LBX2: variants seen among roughly 807,000 people sequenced by gnomAD.
LBX2 encodes transcription factor LBX2.
In LBX2, 6 loss-of-function variants were observed where a neutral mutation model predicts 7.5. The observed-to-expected ratio is 0.80, with a 90% CI of 0.44 to 1.59. The LOEUF (loss-of-function observed/expected upper bound fraction) is 1.59. LBX2 is among the 40% of genes most tolerant of loss of function. The pLI is 0.01. For missense variants in LBX2, 281 were observed against 282.0 expected, an observed-to-expected ratio of 1.00 and a Z score of 0.03; for synonymous variants, 143 against 133.2, an observed-to-expected ratio of 1.07 and a Z score of -0.51.
At chr2:74,502,432 C>A (rs1674503567), upstream of LBX2, 2 of 557,358 alleles carry the variant, frequency 3.6e-6, no homozygotes, top group Admixed American at 3.4e-5. The surrounding 1 kb of genome is among the most constrained non-coding windows in gnomAD (Gnocchi z 5.4). Flanking sequence ...CTCGGAATAA[C>A]CCCCTTGGGG....
upstream of LBX2, chr2:74,502,979 G>A (rs1674529335): frequency 2.3e-6 from 2 of 860,636 alleles, no homozygotes; most frequent in Non-Finnish European, 3.5e-6. This position sits in a 1 kb window ranked among gnomAD's most constrained non-coding sequence, Gnocchi z 5.4. Context: ...GCGGGGGTGA[G>A]GAAGGTGGGC....
Position 74,497,789 on chromosome 2 carries a change from G to A in LBX2, c.*138C>T, listed in dbSNP as rs1186259632. ...CAAAACAAACTTACAAAAAAACCGG[G>A]AAAGGTGAGCGTCTGGACTGTGGGC... On this transcript the variant is annotated 3_prime_UTR_variant, in exon 2 of 2. Coordinates refer to ENST00000377566, the MANE Select transcript of LBX2 (RefSeq NM_001282430.2). The A allele has an allele frequency of 3.2e-6, 3 of 943,378 alleles. No individual in the cohort carries two copies. Among genetic ancestry groups the A allele is most frequent in the African/African-American group, 1.7e-5 (1 of 59,514 alleles). 58.4% of individuals were successfully genotyped at this position (943,378 alleles called of 1,614,324 possible). A position where few individuals can be genotyped will look rare whatever the true frequency, so the allele number is the denominator to read the frequency against.
upstream of LBX2, chr2:74,499,785 C>T (rs142312886): frequency 4.2e-3 from 2,393 of 575,514 alleles, 52 homozygotes; most frequent in African/African-American, 0.041. The surrounding 1 kb of genome is among the most constrained non-coding windows in gnomAD (Gnocchi z 4.6). Flanking sequence ...AGAAGCCGAC[C>T]AAACTACCCA....
chr2:74,498,702 C>G (rs79539875), intron 1 of LBX2: 5,662 of 246,502 alleles, frequency 0.023, 323 homozygotes, highest in African/African-American at 0.12. Context: ...GTCAGGGCAG[C>G]CGACCCAGCG....
chr2:74,499,315 A>G lies in LBX2; in HGVS notation c.205+18T>C. The G allele has an allele frequency of 6.5e-7, 1 of 1,547,218 alleles. No individual in the cohort carries two copies. Among genetic ancestry groups the G allele is most frequent in the Non-Finnish European group, 8.7e-7 (1 of 1,144,008 alleles). Reference sequence around the variant, plus strand: ...GGAAAAGGCTAAGTCAGAGTCCGCGACCTTGCCGGCTCTATACCTTCAGAG... The same window carrying G: ...GGAAAAGGCTAAGTCAGAGTCCGCGGCCTTGCCGGCTCTATACCTTCAGAG... On this transcript the variant is annotated intron_variant, in intron 1 of 1. Transcript: ENST00000377566. This position sits in a 1 kb window ranked among gnomAD's most constrained non-coding sequence, Gnocchi z 4.6.
In LBX2 at chr2:74,497,796, G is replaced by T; in HGVS notation, c.*131C>A. On this transcript the variant is annotated 3_prime_UTR_variant, in exon 2 of 2. Coordinates refer to ENST00000377566, the MANE Select transcript of LBX2 (RefSeq NM_001282430.2). ...AACTTACAAAAAAACCGGGAAAGGTGAGCGTCTGGACTGTGGGCCGGAAGA... is the reference window on the plus strand; with the variant it reads ...AACTTACAAAAAAACCGGGAAAGGTTAGCGTCTGGACTGTGGGCCGGAAGA... The T allele has an allele frequency of 2.1e-6, 2 of 971,172 alleles. No individual in the cohort carries two copies. Among genetic ancestry groups the T allele is most frequent in the South Asian group, 4.1e-5 (2 of 48,878 alleles). The allele number at this position is 971,172 out of a possible 1,614,324, so 60.2% of individuals were successfully genotyped here.
chr2:74,498,176 G>T lies in LBX2; in HGVS notation c.348C>A (p.Asp116Glu). Residue 116 changes from aspartate (D) to glutamate (E), a missense_variant, in exon 2 of 2, where the codon GAC (aspartate) becomes GAA (glutamate). By Grantham distance (45) the Asp-to-Glu change is conservative (BLOSUM62 2). This residue lies in a region of LBX2 where 216 missense variants were observed against 208.7 expected (regional missense o/e 1.03). Transcript: ENST00000377566. ...CCAGGCCGAGTCGCGTAGCTAGCCC[G>T]TCTCGCTCGGACGGCGCCAGGTACT... is the stretch of plus-strand genomic sequence containing the variant. ...FQKYLAPSER[D>E]GLATRLGLAN... 1 of 1,612,510 alleles carries T rather than the reference G, an allele frequency of 6.2e-7. No individual in the cohort carries two copies. The highest frequency in any genetic ancestry group is 8.5e-7 in the Non-Finnish European group (1 of 1,179,516).
upstream of LBX2, chr2:74,499,779 G>A (rs1246050154): frequency 1.7e-6 from 1 of 581,802 alleles, no homozygotes; most frequent in African/African-American, 1.9e-5. The surrounding 1 kb of genome is among the most constrained non-coding windows in gnomAD (Gnocchi z 4.6). Flanking sequence ...GAGAGCAGAA[G>A]CCGACCAAAC....
chr2:74,498,066 G>T lies in LBX2; in HGVS notation c.458C>A (p.Ser153Ter). ...DVEEMRADVA[S>*]LRALSPEVLC... ...GACTTCCGGGGACAACGCGCGTAGC[G>T]AGGCGACGTCGGCGCGCATCTCCTC... The change falls in exon 2 of 2, where the codon TCG (serine) becomes TAG (stop). Residue 153 changes from serine (S) to a stop codon, truncating the protein, a stop_gained. Coordinates refer to ENST00000377566, the MANE Select transcript of LBX2 (RefSeq NM_001282430.2). LOFTEE classifies it low-confidence loss of function (END_TRUNC). 1.2e-6 allele frequency: 2 copies of T among 1,613,562 alleles called. No individual in the cohort carries two copies. The highest frequency in any genetic ancestry group is 2.2e-5 in the East Asian group (1 of 44,870).
In LBX2 at chr2:74,497,854, ACT is replaced by A. The variant is rs969806384; in HGVS notation, c.*71_*72del. On this transcript the variant is annotated 3_prime_UTR_variant, in exon 2 of 2. Transcript: ENST00000377566. ...GTGGACCTCCTTCCTCCACCCTGGA[ACT>A]CTGGCCAGAGGCAGAGCGCGAGGTG... 14 of 1,439,358 alleles carry A rather than the reference ACT, an allele frequency of 9.7e-6. No homozygotes were observed. Among genetic ancestry groups the A allele is most frequent in the Non-Finnish European group, 1.3e-5 (14 of 1,087,546 alleles). 89.2% of individuals were successfully genotyped at this position (1,439,358 alleles called of 1,614,324 possible). A position where few individuals can be genotyped will look rare whatever the true frequency, so the allele number is the denominator to read the frequency against.
intron 1 of LBX2, chr2:74,498,720 G>A (rs1023159717): frequency 8.6e-5 from 20 of 232,294 alleles, no homozygotes; most frequent in Admixed American, 2.0e-4. Context: ...GCGTGGTGGT[G>A]GTAACAGGAC....
chr2:74,499,811 G>T, upstream of LBX2: 1 of 543,996 alleles, frequency 1.8e-6, no homozygotes, highest in Admixed American at 3.2e-5. This position sits in a 1 kb window ranked among gnomAD's most constrained non-coding sequence, Gnocchi z 4.6. Context: ...GCAGGGCCAC[G>T]GGGCTGCTCC....
In LBX2 at chr2:74,499,460, G is replaced by C; in HGVS notation, c.78C>G (p.Pro26=). 3 of 1,550,588 alleles carry C rather than the reference G, an allele frequency of 1.9e-6. No individual in the cohort carries two copies. Among genetic ancestry groups the C allele is most frequent in the Non-Finnish European group, 1.7e-6 (2 of 1,146,982 alleles). Residue 26 remains proline (P), a synonymous_variant, in exon 1 of 2, where the codon CCC becomes CCG. Transcript: ENST00000377566. The surrounding 1 kb of genome is among the most constrained non-coding windows in gnomAD (Gnocchi z 4.6). ...GAAGCTGCGGCGCAGAGGGTGCTCG[G>C]GGGACCATGCGCGGGGCTAGGATGT... ...IADILAPRMV[P]RAPSAPQLPE...
At position 74,499,383 on chromosome 2, in the gene LBX2, G is replaced by T; in HGVS notation, c.155C>A (p.Thr52Asn). The T allele has an allele frequency of 6.4e-7, 1 of 1,550,640 alleles. No homozygotes were observed. Among genetic ancestry groups the T allele is most frequent in the Non-Finnish European group, 8.7e-7 (1 of 1,147,010 alleles). The change falls in exon 1 of 2, where the codon ACT becomes AAT. Residue 52 changes from threonine to asparagine, a missense_variant. Around this residue, in one of 3 missense-constraint regions of LBX2, gnomAD observed 216 missense variants for 208.7 expected, o/e 1.03. Coordinates refer to ENST00000377566, the MANE Select transcript of LBX2 (RefSeq NM_001282430.2). This position sits in a 1 kb window ranked among gnomAD's most constrained non-coding sequence, Gnocchi z 4.6. ...TSPLCALEELTSKTFRGLDAR... is the reference protein window; with the variant it reads ...TSPLCALEELNSKTFRGLDAR... ...GTCAAGTCCGCGGAAAGTTTTACTA[G>T]TCAGCTCCTCCAGCGCGCACAGCGG...
At chr2:74,500,483 G>C (rs991721976), upstream of LBX2, among the ~76,000 whole-genome samples, 5 of 152,146 alleles carry the variant, frequency 3.3e-5, no homozygotes, top group African/African-American at 1.2e-4. Context: ...GACCAGAGAG[G>C]GGTCACTCCC....
chr2:74,498,417 A>G (rs1572972579), intron 1 of LBX2, 99 bp from the exon 2 acceptor site: 1 of 908,160 alleles, frequency 1.1e-6, no homozygotes, highest in South Asian at 1.8e-5. Context: ...GCGGTGGGGG[A>G]AGTAGAGGGA....
At chr2:74,500,099 G>T (rs942947591), upstream of LBX2, among the ~76,000 whole-genome samples, 3 of 152,168 alleles carry the variant, frequency 2.0e-5, no homozygotes, top group Non-Finnish European at 4.4e-5. Flanking sequence ...GGTCCTGACG[G>T]CTGGAAGTGA....
At chr2:74,502,496 A>T, upstream of LBX2, 1 of 654,276 alleles carries the variant, frequency 1.5e-6, no homozygotes. The surrounding 1 kb of genome is among the most constrained non-coding windows in gnomAD (Gnocchi z 5.4). Flanking sequence ...CCCCACCCTT[A>T]GGAAACGTCC....
chr2:74,498,360 T>A (rs1674408080), intron 1 of LBX2, 42 bp from the exon 2 acceptor site: 2 of 1,450,908 alleles, frequency 1.4e-6, no homozygotes, highest in Non-Finnish European at 1.8e-6. Context: ...CCTCCGGGAA[T>A]CAGGCTGGGC....
Sources: allele counts gnomAD v4.1 joint callset (sites outside exome capture counted in the v4.1 genomes callset), GRCh38; gene constraint gnomAD v4.1.1; regional missense constraint gnomAD v4.1.1; non-coding constraint Gnocchi (gnomAD v3.1); transcripts MANE v1.5; gene names NCBI Gene and HGNC (gene_info 2026-07-23, HGNC 2026-07-21).